Variants in SYNPO2 observed in about 807,000 individuals in gnomAD.
SYNPO2 encodes the protein synaptopodin-2.
In SYNPO2, 56 loss-of-function variants were observed where a neutral mutation model predicts 85.0. That is an observed-to-expected ratio of 0.66 (90% CI 0.53 to 0.82). SYNPO2 has a LOEUF of 0.82. Ranked by LOEUF, SYNPO2 falls within the 40% of genes least tolerant of loss-of-function variation. The probability of loss-of-function intolerance (pLI) is 0.00; values close to 1 mark genes in which losing one functional copy is unlikely to be tolerated. For synonymous variants in SYNPO2, 602 were observed against 591.1 expected (o/e 1.02, Z -0.27); for missense variants, 1,575 against 1,534.2 (o/e 1.03, Z -0.44).
chr4:119,007,048 C>G (rs868761586), intron 1 of SYNPO2, among the ~76,000 whole-genome samples: 2 of 150,484 alleles, frequency 1.3e-5, no homozygotes, highest in African/African-American at 4.9e-5. Context: ...GTACTTGGCT[C>G]TTTGTACCAG....
intron 1 of SYNPO2, among the ~76,000 whole-genome samples, chr4:118,997,007 G>A (rs1194862839): frequency 6.6e-6 from 1 of 151,526 alleles, no homozygotes; most frequent in African/African-American, 2.4e-5. Flanking sequence ...TTGGGAGGCC[G>A]AGGCGGGCGG....
intron 1 of SYNPO2, among the ~76,000 whole-genome samples, chr4:119,015,684 G>A (rs1187210907): frequency 3.3e-5 from 5 of 152,120 alleles, no homozygotes; most frequent in East Asian, 1.9e-4. Flanking sequence ...AAGATATCAC[G>A]TGTTCTTCTG....
intron 4 of SYNPO2, among the ~76,000 whole-genome samples, chr4:119,054,061 C>G (rs188527106): frequency 6.6e-6 from 1 of 152,334 alleles, no homozygotes; most frequent in Admixed American, 6.5e-5. Flanking sequence ...GCCAGACTTG[C>G]AACAGGGGTG....
At position 119,033,213 on chromosome 4, in the gene SYNPO2, A is replaced by G. The variant is rs1738359354; in HGVS notation, c.3252+1186A>G. On this transcript the variant is annotated intron_variant, in intron 4 of 4. Coordinates refer to ENST00000307142, the MANE Select transcript of SYNPO2 (RefSeq NM_133477.3). ...GACTGTAGGGTGAGAGCACACAATTATTAGCATCATTTCTGAGTGATCTCA... is the reference window on the plus strand; with the variant it reads ...GACTGTAGGGTGAGAGCACACAATTGTTAGCATCATTTCTGAGTGATCTCA... 3 of 985,298 alleles carry G rather than the reference A, an allele frequency of 3.0e-6. No individual in the cohort carries two copies. In the African/African-American group the frequency reaches 5.2e-5, roughly 17 times the overall value. 61.0% of individuals were successfully genotyped at this position (985,298 alleles called of 1,614,324 possible).
At chr4:119,008,891 G>A (rs111506335) in intron 1 of SYNPO2, among the ~76,000 whole-genome samples, 235 of 151,998 alleles carry the variant, frequency 1.5e-3, no homozygotes, top group African/African-American at 5.3e-3. Flanking sequence ...TGTGGAGATC[G>A]TTTTTTCTAT....
intron 1 of SYNPO2, among the ~76,000 whole-genome samples, chr4:118,879,012 T>A (rs6846781): frequency 6.6e-6 from 1 of 151,986 alleles, no homozygotes; most frequent in African/African-American, 2.4e-5. Context: ...AGCGAGACCA[T>A]GAACCCACAG....
At chr4:118,872,059 G>T (rs994773524) in intron 1 of SYNPO2, among the ~76,000 whole-genome samples, 1 of 152,112 alleles carries the variant, frequency 6.6e-6, no homozygotes, top group Non-Finnish European at 1.5e-5. Flanking sequence ...TAAGAAATTT[G>T]GCTCTGATAT....
chr4:118,876,709 C>CTT (rs1328348914), intron 1 of SYNPO2, among the ~76,000 whole-genome samples: 2 of 128,678 alleles, frequency 1.6e-5, no homozygotes, highest in African/African-American at 5.9e-5. Context: ...TTCTTTCTTT[C>CTT]TTTCTTTCTT....
chr4:118,892,817 T>A (rs1484766308), intron 1 of SYNPO2, among the ~76,000 whole-genome samples: 2 of 152,150 alleles, frequency 1.3e-5, no homozygotes, highest in Non-Finnish European at 2.9e-5. Flanking sequence ...AAAATTGAGG[T>A]GACATTGTAT....
At chr4:118,923,888 CAA>C (rs35102295) in intron 1 of SYNPO2, among the ~76,000 whole-genome samples, 3,967 of 128,788 alleles carry the variant, frequency 0.031, 131 homozygotes, top group African/African-American at 0.084. Context: ...AGACTGCACT[CAA>C]AAAAAAAAAA....
intron 1 of SYNPO2, among the ~76,000 whole-genome samples, chr4:118,912,736 G>A (rs1435483320): frequency 6.6e-6 from 1 of 151,874 alleles, no homozygotes; most frequent in African/African-American, 2.4e-5. Context: ...ATATTTTAAG[G>A]TAGTACCAAC....
chr4:118,977,227 G>T (rs1029791812), intron 1 of SYNPO2, among the ~76,000 whole-genome samples: 2 of 152,212 alleles, frequency 1.3e-5, no homozygotes, highest in African/African-American at 4.8e-5. Context: ...GGGAGAAATC[G>T]AGCGCAGCGC....
chr4:118,879,657 G>A (rs979946540), intron 1 of SYNPO2, among the ~76,000 whole-genome samples: 1 of 152,156 alleles, frequency 6.6e-6, no homozygotes, highest in Non-Finnish European at 1.5e-5. Context: ...ATGATACTGT[G>A]TTATGGCAGT....
At chr4:118,867,895 T>C (rs905881321) in intron 1 of SYNPO2, among the ~76,000 whole-genome samples, 2 of 152,124 alleles carry the variant, frequency 1.3e-5, no homozygotes, top group Non-Finnish European at 2.9e-5. Context: ...AAAAATGAAG[T>C]AAAATCAGTT....
chr4:118,965,930 T>TTA (rs140376894), intron 1 of SYNPO2, among the ~76,000 whole-genome samples: 2 of 151,416 alleles, frequency 1.3e-5, no homozygotes, highest in Non-Finnish European at 2.9e-5. Context: ...AGATTTTTTT[T>TTA]AAAAAAAATT....
At chr4:118,899,126 C>T (rs6534112) in intron 1 of SYNPO2, among the ~76,000 whole-genome samples, 58,561 of 151,946 alleles carry the variant, frequency 0.39, 11,617 homozygotes, top group South Asian at 0.55. Context: ...AGTCTGTTTC[C>T]TCCATTAGAC....
intron 1 of SYNPO2, among the ~76,000 whole-genome samples, chr4:119,016,750 G>A (rs1015017398): frequency 2.0e-5 from 3 of 152,200 alleles, no homozygotes; most frequent in Non-Finnish European, 4.4e-5. Context: ...GAAAAGCAGA[G>A]AATACCATTC....
At chr4:118,908,352 A>G (rs1473343061) in intron 1 of SYNPO2, among the ~76,000 whole-genome samples, 2 of 152,204 alleles carry the variant, frequency 1.3e-5, no homozygotes, top group South Asian at 4.1e-4. Flanking sequence ...GGCTGATAAA[A>G]TAAGTATATG....
At chr4:119,051,447 T>C (rs1295564643) in intron 4 of SYNPO2, among the ~76,000 whole-genome samples, 2 of 151,678 alleles carry the variant, frequency 1.3e-5, no homozygotes, top group Non-Finnish European at 2.9e-5. Flanking sequence ...CGCCTCGGCC[T>C]CCCAAAGTGC....
Sources: allele counts gnomAD v4.1 joint callset (sites outside exome capture counted in the v4.1 genomes callset), GRCh38; gene constraint gnomAD v4.1.1; transcripts MANE v1.5; gene names NCBI Gene and HGNC (gene_info 2026-07-23, HGNC 2026-07-21).